Variants in MEGF11 observed in about 807,000 individuals in gnomAD.
MEGF11 encodes the protein multiple epidermal growth factor-like domains protein 11.
MEGF11 carries 126 observed loss-of-function variants against 146.6 expected under a neutral mutation model. That is an observed-to-expected ratio of 0.86 (90% confidence interval 0.74 to 1.00). The LOEUF (loss-of-function observed/expected upper bound fraction) is 1.00, where lower values mean the gene tolerates loss of function less well. Among genes scored for constraint, MEGF11 ranks in the 50% least tolerant of loss-of-function variants. MEGF11 has a pLI of 0.00. For missense variants in MEGF11, 1,509 were observed against 1,521.2 expected (o/e 0.99, Z 0.13); for synonymous variants, 532 against 583.4 (o/e 0.91, Z 1.27).
chr15:66,011,422 GA>G (rs1252069893), intron 5 of MEGF11, among the ~76,000 whole-genome samples: 2 of 152,154 alleles, frequency 1.3e-5, no homozygotes, highest in Admixed American at 6.5e-5. Context: ...ACTGGGACAA[GA>G]AAAAGCGAGA....
chr15:66,071,549 G>A (rs2085366939), intron 5 of MEGF11, among the ~76,000 whole-genome samples: 2 of 152,198 alleles, frequency 1.3e-5, no homozygotes, highest in African/African-American at 4.8e-5. Flanking sequence ...CGGCAGACCG[G>A]CCTGTGTGGC....
At chr15:65,976,854 C>G (rs767736528) in intron 7 of MEGF11, among the ~76,000 whole-genome samples, 1 of 152,160 alleles carries the variant, frequency 6.6e-6, no homozygotes, top group African/African-American at 2.4e-5. Context: ...AACAGTCGCA[C>G]TTTAAGAGGA....
At position 65,997,551 on chromosome 15, in the gene MEGF11, T is replaced by C. The variant is rs563032307; in HGVS notation, c.395-15063A>G. Among the ~76,000 whole-genome samples, 168 of 152,318 alleles carry C rather than the reference T, an allele frequency of 1.1e-3. 4 individuals carry two copies. In the South Asian group the frequency reaches 0.033, roughly 30 times the overall value. On this transcript the variant is annotated intron_variant, in intron 5 of 25. Coordinates refer to ENST00000395614, the MANE Select transcript of MEGF11 (RefSeq NM_001385028.1). The stretch of plus-strand genomic sequence containing the variant: ...CTCTCCCCCATCCTCTGGCTTTATT[T>C]TTTTCTTTAAAGCGCTTATTCTATC...
intron 1 of MEGF11, among the ~76,000 whole-genome samples, chr15:66,198,018 A>G (rs1425075429): frequency 6.6e-6 from 1 of 152,228 alleles, no homozygotes; most frequent in African/African-American, 2.4e-5. Context: ...AGAGCTCAGG[A>G]GTTCAAGACC....
intron 5 of MEGF11, among the ~76,000 whole-genome samples, chr15:66,025,384 TGAGGCAGG>T (rs1260835121): frequency 6.6e-6 from 1 of 151,932 alleles, no homozygotes; most frequent in African/African-American, 2.4e-5. Flanking sequence ...TCAGTCAGCC[TGAGGCAGG>T]GAGGAGGGAG....
chr15:65,944,880 A>G (rs953607849), intron 10 of MEGF11, among the ~76,000 whole-genome samples: 8 of 150,186 alleles, frequency 5.3e-5, no homozygotes, highest in Non-Finnish European at 7.4e-5. Context: ...CAACTCCCCA[A>G]CTCATATAAA....
At chr15:65,973,015 G>C (rs2081341933) in intron 7 of MEGF11, among the ~76,000 whole-genome samples, 2 of 152,122 alleles carry the variant, frequency 1.3e-5, no homozygotes, top group Admixed American at 1.3e-4. Flanking sequence ...TACTGGGGAG[G>C]CTGAGGCAGG....
chr15:65,936,657 A>ATGTTTCT (rs890523171), intron 10 of MEGF11, among the ~76,000 whole-genome samples: 2 of 152,142 alleles, frequency 1.3e-5, no homozygotes, highest in African/African-American at 4.8e-5. Context: ...ACATCCAGGT[A>ATGTTTCT]TGTTTCTTTG....
rs763329292 is a variant in MEGF11 at position 65,929,799 on chromosome 15, C to G, written c.1493G>C (p.Gly498Ala). The G allele has an allele frequency of 1.9e-6, 3 of 1,570,636 alleles. No homozygotes were observed. Among genetic ancestry groups the G allele is most frequent in the Admixed American group, 1.9e-5 (1 of 53,540 alleles). The change falls in exon 12 of 26, where the codon GGG becomes GCG. Residue 498 changes from glycine (G) to alanine (A), a missense_variant. Physicochemically the swap from Gly to Ala is moderately conservative, Grantham distance 60 (BLOSUM62 0). Transcript: ENST00000395614. ...GCCGTCTATGGGGCTGCAGGCTGCC[C>G]CATTGGCACAGGTGCAGCTCTCGTT... ...NCNESCTCANGAACSPIDGSC... is the reference protein window; with the variant it reads ...NCNESCTCANAAACSPIDGSC...
In MEGF11 at chr15:65,922,880, G is replaced by A. The variant is rs747853036; in HGVS notation, c.1765C>T (p.Pro589Ser). ...CSCENGGSCS[P>S]EDGSCECAPG... ...GCACACTCGCAGCTCCCATCCTCTG[G>A]GGAGCAGGAGCCTCCATTCTCACAG... Residue 589 changes from proline (P) to serine (S), a missense_variant, in exon 14 of 26, where the codon CCA becomes TCA. Physicochemically the swap from Pro to Ser is moderately conservative, Grantham distance 74. Transcript: ENST00000395614. 128 of 1,613,134 alleles carry A rather than the reference G, an allele frequency of 7.9e-5. No homozygotes were observed. The highest frequency in any genetic ancestry group is 4.9e-4 in the Middle Eastern group (3 of 6,078).
intron 19 of MEGF11, among the ~76,000 whole-genome samples, chr15:65,914,667 G>A (rs141622802): frequency 6.6e-6 from 1 of 152,316 alleles, no homozygotes; most frequent in East Asian, 1.9e-4. Context: ...ACTGTTGGCT[G>A]CTGGCTGAAC....
rs1230679182 is a variant in MEGF11, at chr15:66,210,171, T to G, written c.-9+43434A>C. 1.1e-4 allele frequency among the ~76,000 whole-genome samples: 17 copies of G among 152,180 alleles called. No individual in the cohort carries two copies. In the East Asian group the frequency reaches 3.3e-3, roughly 29 times the overall value. On this transcript the variant is annotated intron_variant, in intron 1 of 25. Transcript: ENST00000395614. Reference sequence around the variant, plus strand: ...ACTACATTCATGTCAATATCCTGGTTATGACACTGTACTATGGTTTTGCAA... The same window carrying G: ...ACTACATTCATGTCAATATCCTGGTGATGACACTGTACTATGGTTTTGCAA...
intron 1 of MEGF11, among the ~76,000 whole-genome samples, chr15:66,179,179 C>T (rs35844768): frequency 0.029 from 4,447 of 152,282 alleles, 72 homozygotes; most frequent in Middle Eastern, 0.075. Context: ...GTCATCCAGG[C>T]TGGAGTGCAG....
chr15:66,199,452 G>A (rs2091095767), intron 1 of MEGF11, among the ~76,000 whole-genome samples: 1 of 152,102 alleles, frequency 6.6e-6, no homozygotes, highest in Non-Finnish European at 1.5e-5. Flanking sequence ...CTGCCTTGAT[G>A]TTTCAGAGAC....
chr15:66,183,210 C>G (rs72744478), intron 1 of MEGF11, among the ~76,000 whole-genome samples: 444 of 152,202 alleles, frequency 2.9e-3, no homozygotes, highest in Admixed American at 4.5e-3. Context: ...GGAGAAGATA[C>G]ACACGGTGGC....
intron 1 of MEGF11, among the ~76,000 whole-genome samples, chr15:66,223,252 T>G (rs1049612704): frequency 6.6e-6 from 1 of 152,112 alleles, no homozygotes; most frequent in African/African-American, 2.4e-5. Flanking sequence ...AGACCACATA[T>G]TGTATGATTC....
chr15:66,209,769 G>A (rs545269190), intron 1 of MEGF11, among the ~76,000 whole-genome samples: 2 of 152,176 alleles, frequency 1.3e-5, no homozygotes, highest in South Asian at 2.1e-4. Context: ...GGGTAAGGGT[G>A]GGAGGGAAGT....
chr15:66,150,070 C>T (rs1316186294), intron 1 of MEGF11, among the ~76,000 whole-genome samples: 2 of 152,196 alleles, frequency 1.3e-5, no homozygotes, highest in African/African-American at 2.4e-5. Flanking sequence ...AGAGCTGTGG[C>T]GGGAGCCTGG....
Position 66,115,800 on chromosome 15 carries a change from A to G in MEGF11, c.301+3286T>C, listed in dbSNP as rs2087697497. 2.0e-5 allele frequency among the ~76,000 whole-genome samples: 3 copies of G among 152,310 alleles called. No individual in the cohort carries two copies. The South Asian group carries it at 6.2e-4, about 32-fold the overall frequency. ...GGAAATGTGAAGCCACGGGAAGAAC[A>G]CCATGTGACGATCAGAGTCCTGCCG... On this transcript the variant is annotated intron_variant, in intron 4 of 25. Coordinates refer to ENST00000395614, the MANE Select transcript of MEGF11 (RefSeq NM_001385028.1).
Sources: allele counts gnomAD v4.1 joint callset (sites outside exome capture counted in the v4.1 genomes callset), GRCh38; gene constraint gnomAD v4.1.1; transcripts MANE v1.5; gene names NCBI Gene and HGNC (gene_info 2026-07-23, HGNC 2026-07-21).